The following PCYT1A variants were observed in gnomAD, a reference collection of about 807,000 sequenced individuals.
The protein encoded by PCYT1A is choline-phosphate cytidylyltransferase A.
A neutral mutation model predicts 43.7 loss-of-function variants in PCYT1A; 25 were observed. The observed-to-expected ratio is 0.57, with a 90% CI of 0.42 to 0.80. PCYT1A has a LOEUF of 0.80. Ranked by LOEUF, PCYT1A falls within the 30% of genes least tolerant of loss-of-function variation. The pLI is 0.00. For synonymous variants in PCYT1A, 172 were observed against 170.7 expected (o/e 1.01, Z -0.06); for missense variants, 421 against 474.2 (o/e 0.89, Z 1.04).
chr3:196,281,329 C>G (rs1429740660), intron 1 of PCYT1A, among the ~76,000 whole-genome samples: 2 of 152,176 alleles, frequency 1.3e-5, no homozygotes, highest in Non-Finnish European at 2.9e-5. Flanking sequence ...GACATTGCCC[C>G]CTATGTAAAG....
At position 196,273,299 on chromosome 3, in the gene PCYT1A, T is replaced by C. The variant is rs112681581; in HGVS notation, c.-10-2758A>G. On this transcript the variant is annotated intron_variant, in intron 1 of 8. Transcript: ENST00000431016. The surrounding 1 kb of genome is among the most constrained non-coding windows in gnomAD (Gnocchi z 4.1). ...GCTCTTCTCTTTCTCTCTCCTCTCT[T>C]CTCTCTTTCTGTTGCCCACAGCGTG... 2.1e-3 allele frequency among the ~76,000 whole-genome samples: 313 copies of C among 152,254 alleles called. 1 individual carries two copies. The highest frequency in any genetic ancestry group is 5.5e-3 in the Admixed American group (84 of 15,290).
chr3:196,274,724 C>T (rs1427167501), intron 1 of PCYT1A, among the ~76,000 whole-genome samples: 2 of 150,972 alleles, frequency 1.3e-5, no homozygotes, highest in East Asian at 1.9e-4. Flanking sequence ...TTCTTTCCTC[C>T]GGCTCAACTC....
chr3:196,254,828 A>C (rs1467410236), intron 3 of PCYT1A, among the ~76,000 whole-genome samples: 1 of 152,050 alleles, frequency 6.6e-6, no homozygotes, highest in African/African-American at 2.4e-5. Flanking sequence ...CTTTTGATAG[A>C]TTTACTCTCC....
chr3:196,257,947 TAAA>T (rs878915126), intron 2 of PCYT1A, 60 bp from the exon 3 acceptor site: 15 of 714,756 alleles, frequency 2.1e-5, no homozygotes, highest in South Asian at 5.5e-5. Context: ...ACTGTAATAC[TAAA>T]AAAAAAAAAG....
intron 1 of PCYT1A, among the ~76,000 whole-genome samples, chr3:196,280,572 T>TA (rs1218124161): frequency 1.5e-5 from 2 of 137,642 alleles, no homozygotes; most frequent in African/African-American, 6.0e-5. Flanking sequence ...TTTTTATTGT[T>TA]TTTTTTTTTT....
At chr3:196,281,984 C>T (rs1033155278) in intron 1 of PCYT1A, among the ~76,000 whole-genome samples, 1 of 152,198 alleles carries the variant, frequency 6.6e-6, no homozygotes, top group Non-Finnish European at 1.5e-5. Context: ...AACTATCACA[C>T]CAGGCTGAGA....
At chr3:196,270,360 T>C (rs928518080) in intron 2 of PCYT1A, 55 bp downstream of exon 2, 10 of 992,070 alleles carry the variant, frequency 1.0e-5, no homozygotes, top group Non-Finnish European at 1.5e-5. Context: ...AACACTGATA[T>C]CATCAATGTC....
Position 196,258,995 on chromosome 3 carries a change from G to T in PCYT1A, c.118-1108C>A, listed in dbSNP as rs67487066. On this transcript the variant is annotated intron_variant, in intron 2 of 8. Transcript: ENST00000431016. ...GAAGTGTTCTCTTTACCTTATTTTTGTGTAAGATTCGTATTATTTATTCCT... is the reference window on the plus strand; with the variant it reads ...GAAGTGTTCTCTTTACCTTATTTTTTTGTAAGATTCGTATTATTTATTCCT... Among the ~76,000 whole-genome samples, 5 of 152,254 alleles carry T rather than the reference G, an allele frequency of 3.3e-5. No homozygotes were observed. In the South Asian group the frequency reaches 1.0e-3, roughly 32 times the overall value.
At chr3:196,244,202 G>C (rs1179862918) in intron 5 of PCYT1A, among the ~76,000 whole-genome samples, 1 of 149,106 alleles carries the variant, frequency 6.7e-6, no homozygotes, top group African/African-American at 2.5e-5. Context: ...TCTTGGAGGT[G>C]AGGAGCGCCT....
chr3:196,262,028 T>G (rs2108773920), intron 2 of PCYT1A, among the ~76,000 whole-genome samples: 1 of 152,314 alleles, frequency 6.6e-6, no homozygotes, highest in Non-Finnish European at 1.5e-5. Flanking sequence ...AGGTAGTATT[T>G]TTTTAAAACA....
rs530501792 is a variant in PCYT1A, at chr3:196,252,338, C to T, written c.218-4015G>A. Among the ~76,000 whole-genome samples, 16 of 152,256 alleles carry T rather than the reference C, an allele frequency of 1.1e-4. No homozygotes were observed. The highest frequency in any genetic ancestry group is 3.9e-4 in the African/African-American group (16 of 41,542). ...TCTAGGCTCACTGCAACCTCTGCCT[C>T]CTGGGTTCAAGTGACTATCCTGCCT... On this transcript the variant is annotated intron_variant, in intron 3 of 8. Transcript: ENST00000431016. The surrounding 1 kb of genome is among the most constrained non-coding windows in gnomAD (Gnocchi z 4.0).
At chr3:196,267,105 G>A (rs1725297569) in intron 2 of PCYT1A, among the ~76,000 whole-genome samples, 1 of 151,610 alleles carries the variant, frequency 6.6e-6, no homozygotes, top group Non-Finnish European at 1.5e-5. Context: ...CTTGAACCCA[G>A]GAGGCGGAGG....
intron 1 of PCYT1A, among the ~76,000 whole-genome samples, chr3:196,284,860 A>G (rs544101630): frequency 2.6e-5 from 4 of 152,356 alleles, no homozygotes; most frequent in African/African-American, 9.6e-5. Flanking sequence ...GTTACCTTGA[A>G]GCATAGATGC....
At chr3:196,243,465 C>A (rs569982283) in intron 5 of PCYT1A, among the ~76,000 whole-genome samples, 1 of 152,282 alleles carries the variant, frequency 6.6e-6, no homozygotes, top group South Asian at 2.1e-4. Context: ...CTGAGAAATA[C>A]AAACCGAAGG....
chr3:196,281,673 A>G (rs1725775526), intron 1 of PCYT1A, among the ~76,000 whole-genome samples: 1 of 152,180 alleles, frequency 6.6e-6, no homozygotes, highest in South Asian at 2.1e-4. Context: ...AGCTTTATTA[A>G]TAATTTGGTG....
At chr3:196,276,152 T>G (rs906654202) in intron 1 of PCYT1A, among the ~76,000 whole-genome samples, 5 of 151,190 alleles carry the variant, frequency 3.3e-5, no homozygotes, top group Non-Finnish European at 5.9e-5. Flanking sequence ...TATTTCAAAA[T>G]TGCTAAAAGA....
rs1254976290 is a variant in PCYT1A at position 196,238,568 on chromosome 3, A to G, written c.*120T>C. On this transcript the variant is annotated 3_prime_UTR_variant, in exon 9 of 9. Transcript: ENST00000431016. ...CCCCAGTCCTAGGTCTTCTTTCCCC[A>G]GTTGTCTTTCCTTTGTAGCTGTCCT... 1.5e-6 allele frequency: 1 copy of G among 675,112 alleles called. No homozygotes were observed. The highest frequency in any genetic ancestry group is 2.4e-6 in the Non-Finnish European group (1 of 417,550). 41.8% of individuals were successfully genotyped at this position (675,112 alleles called of 1,614,324 possible). A position where few individuals can be genotyped will look rare whatever the true frequency, so the allele number is the denominator to read the frequency against.
rs184515426 is a variant in PCYT1A at position 196,273,349 on chromosome 3, G to A, written c.-10-2808C>T. Among the ~76,000 whole-genome samples the A allele has an allele frequency of 6.6e-6, 1 of 152,184 alleles. No homozygotes were observed. Among genetic ancestry groups the A allele is most frequent in the Non-Finnish European group, 1.5e-5 (1 of 68,030 alleles). ...GGCAAGCAGTGGGGGAGGGGAGGAC[G>A]TGTTTCGGCTCTGTTTGTGTTTCAG... On this transcript the variant is annotated intron_variant, in intron 1 of 8. Coordinates refer to ENST00000431016, the MANE Select transcript of PCYT1A (RefSeq NM_001312673.2). This position sits in a 1 kb window ranked among gnomAD's most constrained non-coding sequence, Gnocchi z 4.1.
intron 3 of PCYT1A, chr3:196,251,502 C>T (rs1221848897): frequency 2.0e-5 from 3 of 152,726 alleles, no homozygotes; most frequent in African/African-American, 7.2e-5. Context: ...GATTTTAAAC[C>T]AAGAAATCAT....
Sources: gnomAD v4.1 joint callset for allele counts (sites outside exome capture counted in the v4.1 genomes callset) on GRCh38, gnomAD v4.1.1 for gene constraint, Gnocchi (gnomAD v3.1) non-coding constraint, MANE v1.5 for transcripts, NCBI Gene and HGNC (gene_info 2026-07-23, HGNC 2026-07-21) for gene names.